Variants in TDRD7 observed in about 807,000 individuals in gnomAD.
TDRD7 encodes the protein tudor domain-containing protein 7.
Under a neutral mutation model 109.8 loss-of-function variants are expected in TDRD7, and 47 were observed. The ratio of observed to expected loss-of-function variants is 0.43; its 90% confidence interval spans 0.34 to 0.55. The LOEUF (loss-of-function observed/expected upper bound fraction) is 0.55, where lower values mean the gene tolerates loss of function less well. Among genes scored for constraint, TDRD7 ranks in the 20% least tolerant of loss-of-function variants. The pLI, the probability that TDRD7 is intolerant of heterozygous loss-of-function variation, is 0.03. For missense variants in TDRD7, 1,164 were observed against 1,319.2 expected (o/e 0.88, Z 1.82); for synonymous variants, 424 against 457.3 (o/e 0.93, Z 0.93).
intron 4 of TDRD7, among the ~76,000 whole-genome samples, chr9:97,433,896 G>A (rs1828150643): frequency 1.3e-5 from 2 of 152,248 alleles, no homozygotes; most frequent in Middle Eastern, 3.4e-3. Context: ...GAGAAAAGGG[G>A]AACCCCAATA....
chr9:97,444,335 A>G (rs1828362351), intron 6 of TDRD7, among the ~76,000 whole-genome samples: 1 of 152,232 alleles, frequency 6.6e-6, no homozygotes, highest in African/African-American at 2.4e-5. Context: ...GGGATGCCAG[A>G]AAACACCAAT....
chr9:97,470,361 G>A (rs1003159590), intron 8 of TDRD7, among the ~76,000 whole-genome samples, 197 bp from the exon 9 acceptor site: 2 of 152,104 alleles, frequency 1.3e-5, no homozygotes, highest in African/African-American at 4.8e-5. Context: ...CCTGGAACTA[G>A]GACCCCTGGT....
intron 13 of TDRD7, 120 bp downstream of exon 13, chr9:97,478,693 A>C (rs1169762106): frequency 1.4e-6 from 2 of 1,443,410 alleles, no homozygotes; most frequent in African/African-American, 2.8e-5. Flanking sequence ...GAAATTGTCC[A>C]AATGTGGTTG....
At chr9:97,441,563 A>T in intron 5 of TDRD7, 95 bp from the exon 6 acceptor site, 1 of 1,168,944 alleles carries the variant, frequency 8.6e-7, no homozygotes, top group Admixed American at 2.0e-5. Context: ...ACAAGCCCAC[A>T]CTATAGCAAA....
At chr9:97,442,167 T>C (rs965768323) in intron 6 of TDRD7, among the ~76,000 whole-genome samples, 2 of 152,216 alleles carry the variant, frequency 1.3e-5, no homozygotes, top group Non-Finnish European at 2.9e-5. Flanking sequence ...ATGATTGAAC[T>C]GTTACCAGTA....
At position 97,483,095 on chromosome 9, in the gene TDRD7, A is replaced by G. The variant is rs1829149840; in HGVS notation, c.2659A>G (p.Lys887Glu). ...AAAGAACCTCACAGATGTCATCAAA[A>G]AGTCCATGGTGGACCATACGAGCGC... The part of the protein sequence containing the change: ...FRKNLTDVIK[K>E]SMVDHTSAFS... Residue 887 changes from lysine to glutamate, a missense_variant, in exon 15 of 17, where the codon AAG (lysine) becomes GAG (glutamate). Physicochemically the swap from Lys to Glu is moderately conservative, Grantham distance 56. Coordinates refer to ENST00000355295, the MANE Select transcript of TDRD7 (RefSeq NM_014290.3). 2 of 1,614,048 alleles carry G rather than the reference A, an allele frequency of 1.2e-6. No homozygotes were observed. Among genetic ancestry groups the G allele is most frequent in the South Asian group, 2.2e-5 (2 of 91,092 alleles).
rs371353346 is a variant in TDRD7, at chr9:97,432,001, C to T, written c.350-24C>T. The T allele has an allele frequency of 2.1e-4, 336 of 1,607,102 alleles. 1 individual carries two copies. The Middle Eastern group carries it at 2.3e-3, about 11-fold the overall frequency. Reference sequence around the variant, plus strand: ...GGGGTTTGGGGATGCTAATTGATTTCGTTATGTATGCCTAACTTCATAGGA... The same window carrying T: ...GGGGTTTGGGGATGCTAATTGATTTTGTTATGTATGCCTAACTTCATAGGA... On this transcript the variant is annotated intron_variant, in intron 3 of 16. Coordinates refer to ENST00000355295, the MANE Select transcript of TDRD7 (RefSeq NM_014290.3).
In TDRD7 at chr9:97,429,075, A is replaced by G. The variant is rs558897396; in HGVS notation, c.207+403A>G. Among the ~76,000 whole-genome samples the G allele has an allele frequency of 8.5e-5, 13 of 152,196 alleles. 1 individual carries two copies. The highest frequency in any genetic ancestry group is 2.4e-4 in the African/African-American group (10 of 41,440). On this transcript the variant is annotated intron_variant, in intron 2 of 16. Coordinates refer to ENST00000355295, the MANE Select transcript of TDRD7 (RefSeq NM_014290.3). ...ACAGTTTTAAATTCTCATCAAGTCA[A>G]TTCCTGCTATCTGGACCTAGTCAGT...
chr9:97,449,423 T>A (rs992609724), intron 6 of TDRD7, among the ~76,000 whole-genome samples: 2 of 152,190 alleles, frequency 1.3e-5, no homozygotes, highest in Non-Finnish European at 2.9e-5. Context: ...AGCTTCAAAT[T>A]GGGGTTCCCA....
At chr9:97,448,698 T>A (rs575271524) in intron 6 of TDRD7, among the ~76,000 whole-genome samples, 2,300 of 152,328 alleles carry the variant, frequency 0.015, 24 homozygotes, top group Non-Finnish European at 0.024. Flanking sequence ...AGCAGGTCTC[T>A]AGGTAAATGT....
rs773857213 is a variant in TDRD7 at position 97,472,341 on chromosome 9, C to T, written c.1790C>T (p.Ser597Phe). The stretch of plus-strand genomic sequence containing the variant: ...CCTGATCTAGTGAAGGTGGTTGAAT[C>T]TTTAACTTGTGGAAAGATCTTTGCA... ...DDPDLVKVVE[S>F]LTCGKIFAVE... Residue 597 changes from serine to phenylalanine, a missense_variant, in exon 10 of 17, where the codon TCT becomes TTT. By Grantham distance (155) the Ser-to-Phe change is radical. Transcript: ENST00000355295. The T allele has an allele frequency of 1.2e-6, 2 of 1,613,916 alleles. No individual in the cohort carries two copies. The highest frequency in any genetic ancestry group is 1.7e-6 in the Non-Finnish European group (2 of 1,179,882).
At chr9:97,425,706 T>G (rs1194042391) in intron 1 of TDRD7, among the ~76,000 whole-genome samples, 1 of 152,218 alleles carries the variant, frequency 6.6e-6, no homozygotes, top group Non-Finnish European at 1.5e-5. Context: ...TAAATGTTGT[T>G]GGTCCTGGTG....
chr9:97,429,968 A>T (rs1828072103), intron 2 of TDRD7, among the ~76,000 whole-genome samples: 1 of 152,212 alleles, frequency 6.6e-6, no homozygotes, highest in Non-Finnish European at 1.5e-5. Flanking sequence ...CCCGTTGCTC[A>T]TACTTGGGTA....
At chr9:97,469,447 G>C (rs1312413698) in intron 8 of TDRD7, among the ~76,000 whole-genome samples, 1 of 152,156 alleles carries the variant, frequency 6.6e-6, no homozygotes, top group African/African-American at 2.4e-5. Flanking sequence ...GGTGTCTTCT[G>C]CTTTTTTCCC....
At position 97,483,127 on chromosome 9, in the gene TDRD7, C is replaced by T. The variant is rs376117981; in HGVS notation, c.2691C>T (p.Ser897=). 11 of 1,614,012 alleles carry T rather than the reference C, an allele frequency of 6.8e-6. No individual in the cohort carries two copies. The East Asian group carries it at 1.1e-4, about 16-fold the overall frequency. The change falls in exon 15 of 17, where the codon TCC becomes TCT. Residue 897 remains serine, a synonymous_variant. Transcript: ENST00000355295. ...KSMVDHTSAF[S]TEELPPPVHL... ...TGGTGGACCATACGAGCGCTTTCTC[C>T]ACAGAGGAACTGCCACCTCCTGTCC...
chr9:97,422,420 T>C (rs1827915210), intron 1 of TDRD7, among the ~76,000 whole-genome samples: 3 of 152,166 alleles, frequency 2.0e-5, no homozygotes, highest in South Asian at 4.1e-4. Flanking sequence ...GTTTACCATA[T>C]ATGGGTTTAT....
chr9:97,484,597 T>C (rs529460844), intron 15 of TDRD7, among the ~76,000 whole-genome samples: 160 of 152,304 alleles, frequency 1.1e-3, no homozygotes, highest in African/African-American at 3.5e-3. Context: ...GTCATTTTCA[T>C]GGGAGAAAAA....
At chr9:97,473,049 T>A (rs1003121950) in intron 10 of TDRD7, among the ~76,000 whole-genome samples, 14 of 152,228 alleles carry the variant, frequency 9.2e-5, no homozygotes, top group Admixed American at 3.3e-4. Context: ...TATGGTTTTT[T>A]AAAATTACTC....
chr9:97,432,213 C>T lies in TDRD7; in HGVS notation c.538C>T (p.His180Tyr). ...EAFKDIPVQR[H>Y]VTMSTNNRFS... ...ATTCAAAGACATTCCAGTGCAAAGG[C>T]ATGTGACCATGTCCACCAACAACAG... Residue 180 changes from histidine to tyrosine, a missense_variant, in exon 4 of 17, where the codon CAT becomes TAT. His to Tyr is a moderately conservative substitution (Grantham distance 83). This residue lies in a region of TDRD7 where 407 missense variants were observed against 394.0 expected (regional missense o/e 1.03). Transcript: ENST00000355295. The T allele has an allele frequency of 1.2e-6, 2 of 1,613,744 alleles. No homozygotes were observed. The highest frequency in any genetic ancestry group is 1.7e-6 in the Non-Finnish European group (2 of 1,179,710).
Sources: allele counts gnomAD v4.1 joint callset (sites outside exome capture counted in the v4.1 genomes callset), GRCh38; gene constraint gnomAD v4.1.1; regional missense constraint gnomAD v4.1.1; transcripts MANE v1.5; gene names NCBI Gene and HGNC (gene_info 2026-07-23, HGNC 2026-07-21).